LTBP1: variants seen among roughly 807,000 people sequenced by gnomAD.
The protein encoded by LTBP1 is latent transforming growth factor beta binding protein 1.
In LTBP1, 129 loss-of-function variants were observed where a neutral mutation model predicts 207.6. The observed-to-expected ratio is 0.62, with a 90% CI of 0.54 to 0.72. The LOEUF (loss-of-function observed/expected upper bound fraction) is 0.72, where lower values mean the gene tolerates loss of function less well. Among genes scored for constraint, LTBP1 ranks in the 30% least tolerant of loss-of-function variants. The pLI is 0.00. For synonymous variants in LTBP1, 963 were observed against 833.7 expected, an observed-to-expected ratio of 1.16 and a Z score of -2.67; for missense variants, 2,281 against 2,217.2, an observed-to-expected ratio of 1.03 and a Z score of -0.58.
At chr2:33,254,195 A>T (rs1259649800) in intron 11 of LTBP1, among the ~76,000 whole-genome samples, 3 of 152,098 alleles carry the variant, frequency 2.0e-5, no homozygotes, top group African/African-American at 4.8e-5. Flanking sequence ...TTAATAATCA[A>T]GTAATCTTTA....
chr2:33,196,172 A>C (rs1387279637), intron 7 of LTBP1, among the ~76,000 whole-genome samples: 2 of 152,206 alleles, frequency 1.3e-5, no homozygotes, highest in Non-Finnish European at 2.9e-5. Flanking sequence ...AACCCACAAC[A>C]TATCTGAGAT....
intron 8 of LTBP1, among the ~76,000 whole-genome samples, chr2:33,220,628 A>G (rs2091043034): frequency 6.6e-6 from 1 of 152,230 alleles, no homozygotes; most frequent in Non-Finnish European, 1.5e-5. Flanking sequence ...CTCTGCCTTC[A>G]AGTAGATGAC....
At chr2:33,268,441 G>T (rs2093238791) in intron 15 of LTBP1, among the ~76,000 whole-genome samples, 1 of 152,172 alleles carries the variant, frequency 6.6e-6, no homozygotes, top group Non-Finnish European at 1.5e-5. Context: ...CTTTACGATG[G>T]TGAAATTGGA....
In LTBP1 at chr2:33,117,754, C is replaced by T. The variant is rs138236866; in HGVS notation, c.1033+7003C>T. Reference sequence around the variant, plus strand: ...ATTATGGGATGGATGCTGCAAAAGACGGGAAAATCCTTGGGGTGGCAACTG... The same window carrying T: ...ATTATGGGATGGATGCTGCAAAAGATGGGAAAATCCTTGGGGTGGCAACTG... On this transcript the variant is annotated intron_variant, in intron 4 of 33. Transcript: ENST00000404816. Among the ~76,000 whole-genome samples, 501 of 152,114 alleles carry T rather than the reference C, an allele frequency of 3.3e-3. 4 individuals are homozygous for T. The highest frequency in any genetic ancestry group is 0.011 in the African/African-American group (450 of 41,490).
intron 3 of LTBP1, among the ~76,000 whole-genome samples, chr2:33,086,643 C>T (rs1374843330): frequency 6.6e-6 from 1 of 152,212 alleles, no homozygotes; most frequent in Non-Finnish European, 1.5e-5. Context: ...TTCTGGGCAG[C>T]ACCGCACGGT....
intron 5 of LTBP1, among the ~76,000 whole-genome samples, chr2:33,171,836 G>C (rs1320205404): frequency 2.0e-5 from 3 of 151,388 alleles, no homozygotes; most frequent in Non-Finnish European, 2.9e-5. Flanking sequence ...AGCCAGAAGA[G>C]AGTGGGGGCC....
At chr2:33,133,388 G>A (rs530132646) in intron 4 of LTBP1, among the ~76,000 whole-genome samples, 16 of 152,274 alleles carry the variant, frequency 1.1e-4, no homozygotes, top group Non-Finnish European at 1.8e-4. Context: ...ATGGAGTGGC[G>A]TCAGAAGGGC....
intron 2 of LTBP1, among the ~76,000 whole-genome samples, chr2:33,011,225 T>C (rs1687633530): frequency 6.6e-6 from 1 of 152,130 alleles, no homozygotes; most frequent in Non-Finnish European, 1.5e-5. Context: ...CCTCTTGGCA[T>C]GTAGGAGTGG....
chr2:33,112,049 T>C (rs1439785544), intron 4 of LTBP1, among the ~76,000 whole-genome samples: 2 of 152,258 alleles, frequency 1.3e-5, no homozygotes, highest in African/African-American at 4.8e-5. Context: ...GTACTTCTTA[T>C]TTCCTTGGGG....
chr2:33,256,723 A>AAT (rs2092863299), intron 11 of LTBP1, among the ~76,000 whole-genome samples: 2 of 78,098 alleles, frequency 2.6e-5, no homozygotes, highest in African/African-American at 5.5e-5. Flanking sequence ...TGGAGGGCTA[A>AAT]CTATATATAT....
chr2:33,355,124 C>T (rs1482002228), intron 26 of LTBP1, among the ~76,000 whole-genome samples: 2 of 152,050 alleles, frequency 1.3e-5, no homozygotes, highest in African/African-American at 4.8e-5. Flanking sequence ...GTGCTTTACT[C>T]ATGCATTTAT....
intron 24 of LTBP1, among the ~76,000 whole-genome samples, chr2:33,325,704 A>G (rs1353126209): frequency 6.6e-6 from 1 of 152,246 alleles, no homozygotes; most frequent in Non-Finnish European, 1.5e-5. Context: ...AAATTTACAA[A>G]TGAAGTTAAG....
intron 2 of LTBP1, among the ~76,000 whole-genome samples, chr2:32,987,523 T>G (rs1219450904): frequency 6.6e-6 from 1 of 152,160 alleles, no homozygotes; most frequent in Non-Finnish European, 1.5e-5. Flanking sequence ...GAAGTAGCTC[T>G]GGAGCCATTT....
intron 28 of LTBP1, among the ~76,000 whole-genome samples, chr2:33,362,222 A>C (rs1354793706): frequency 6.6e-6 from 1 of 152,148 alleles, no homozygotes; most frequent in East Asian, 1.9e-4. Context: ...AATACTGAGG[A>C]CTGCTAAGTA....
At chr2:33,139,555 C>T (rs536684739) in intron 5 of LTBP1, among the ~76,000 whole-genome samples, 1 of 152,242 alleles carries the variant, frequency 6.6e-6, no homozygotes, top group South Asian at 2.1e-4. Context: ...AGATGGCATG[C>T]AGCTTTTATG....
intron 5 of LTBP1, among the ~76,000 whole-genome samples, chr2:33,136,325 C>T (rs1225298971): frequency 1.3e-5 from 2 of 152,202 alleles, no homozygotes; most frequent in Non-Finnish European, 2.9e-5. Context: ...GGTCCCGGTC[C>T]TGCCACTAAC....
chr2:33,321,756 G>T (rs1559008696), intron 24 of LTBP1, among the ~76,000 whole-genome samples: 1 of 152,164 alleles, frequency 6.6e-6, no homozygotes, highest in Non-Finnish European at 1.5e-5. Context: ...GAGTTTTCGG[G>T]TCTGAAACTG....
At chr2:33,055,647 T>C (rs1454477775) in intron 3 of LTBP1, among the ~76,000 whole-genome samples, 1 of 152,196 alleles carries the variant, frequency 6.6e-6, no homozygotes, top group Non-Finnish European at 1.5e-5. Flanking sequence ...GATCTAACAG[T>C]AGCATGACAT....
chr2:33,342,756 A>G lies in LTBP1; in HGVS notation c.3731-82A>G, dbSNP rs2149683110. ...ATCACACACTAATCAGGATGTGTTG[A>G]GTGCCTCTGTTTATCCATTAATATC... On this transcript the variant is annotated intron_variant, in intron 24 of 33. Coordinates refer to ENST00000404816, the MANE Select transcript of LTBP1 (RefSeq NM_206943.4). The G allele has an allele frequency of 3.5e-6, 5 of 1,430,860 alleles. No homozygotes were observed. In the South Asian group the frequency reaches 5.2e-5, roughly 15 times the overall value. 88.6% of individuals were successfully genotyped at this position (1,430,860 alleles called of 1,614,324 possible).
Sources: allele counts gnomAD v4.1 joint callset (sites outside exome capture counted in the v4.1 genomes callset), GRCh38; gene constraint gnomAD v4.1.1; transcripts MANE v1.5; gene names NCBI Gene and HGNC (gene_info 2026-07-23, HGNC 2026-07-21).